The following EVL variants were observed in gnomAD, a reference collection of about 807,000 sequenced individuals.
EVL encodes ena/VASP-like protein.
EVL carries 21 observed loss-of-function variants against 59.6 expected under a neutral mutation model. That is an observed-to-expected ratio of 0.35 (90% confidence interval 0.25 to 0.51). The LOEUF is 0.51. Ranked by LOEUF, EVL falls within the 20% of genes least tolerant of loss-of-function variation. The pLI, the probability that EVL is intolerant of heterozygous loss-of-function variation, is 0.97. For missense variants in EVL, 462 were observed against 546.6 expected (o/e 0.85, Z 1.54); for synonymous variants, 198 against 203.5 (o/e 0.97, Z 0.23).
intron 1 of EVL, among the ~76,000 whole-genome samples, chr14:100,079,347 T>G (rs1205846218): frequency 6.6e-6 from 1 of 152,204 alleles, no homozygotes; most frequent in South Asian, 2.1e-4. Context: ...AAATGCACTG[T>G]TTTTCCCACA....
At chr14:100,095,473 A>G (rs1885743938) in intron 2 of EVL, among the ~76,000 whole-genome samples, 1 of 152,136 alleles carries the variant, frequency 6.6e-6, no homozygotes, top group Non-Finnish European at 1.5e-5. Context: ...GCTGGTTCTT[A>G]TTATTTGGTA....
At chr14:100,113,366 T>G (rs1055666756) in intron 3 of EVL, among the ~76,000 whole-genome samples, 1 of 152,142 alleles carries the variant, frequency 6.6e-6, no homozygotes, top group Non-Finnish European at 1.5e-5. Flanking sequence ...GATTTAACTC[T>G]TAAGTGGCTT....
Position 100,144,127 on chromosome 14 carries a change from C to T in EVL, c.*389C>T, listed in dbSNP as rs548843487. The T allele has an allele frequency of 2.2e-4, 64 of 292,864 alleles. No homozygotes were observed. Among genetic ancestry groups the T allele is most frequent in the Admixed American group, 6.7e-4 (14 of 20,784 alleles). 18.1% of individuals were successfully genotyped at this position (292,864 alleles called of 1,614,324 possible). ...GGCCCAGCGTGGCGCCACCACACAC[C>T]GCAGAGCTGTCCAGGCACAGCTCCG... On this transcript the variant is annotated 3_prime_UTR_variant, in exon 14 of 14. Transcript: ENST00000392920.
intron 1 of EVL, among the ~76,000 whole-genome samples, chr14:99,980,359 G>A (rs1595538824): frequency 6.6e-6 from 1 of 152,276 alleles, no homozygotes; most frequent in East Asian, 1.9e-4. Flanking sequence ...GGGGTGCATG[G>A]TTGTGGCTGG....
chr14:100,128,837 A>G, intron 6 of EVL, 89 bp downstream of exon 6: 1 of 1,174,112 alleles, frequency 8.5e-7, no homozygotes, highest in Non-Finnish European at 1.2e-6. Context: ...CGCATCTGCG[A>G]GACACAGCAA....
intron 1 of EVL, among the ~76,000 whole-genome samples, chr14:99,994,200 T>C (rs1315642269): frequency 6.7e-6 from 1 of 148,948 alleles, no homozygotes; most frequent in East Asian, 2.0e-4. Context: ...AGCATATAGT[T>C]GGATTCTGGT....
intron 2 of EVL, chr14:100,097,179 G>C (rs929911387): frequency 4.7e-5 from 12 of 253,724 alleles, no homozygotes; most frequent in Non-Finnish European, 5.3e-5. Context: ...ACTGCCATGA[G>C]TGGAGTGGCT....
chr14:100,056,835 G>A (rs1284542709), intron 1 of EVL, among the ~76,000 whole-genome samples: 1 of 152,070 alleles, frequency 6.6e-6, no homozygotes, highest in Non-Finnish European at 1.5e-5. Flanking sequence ...GTCCTTTCAG[G>A]CAAAATAGCT....
intron 9 of EVL, chr14:100,137,110 A>G (rs372612169): frequency 5.3e-4 from 91 of 171,416 alleles, no homozygotes; most frequent in African/African-American, 1.9e-3. Flanking sequence ...AGTAGAACAA[A>G]ATATAATCCA....
intron 13 of EVL, 112 bp from the exon 14 acceptor site, chr14:100,143,589 A>C (rs1214887452): frequency 4.5e-6 from 6 of 1,325,968 alleles, no homozygotes; most frequent in Non-Finnish European, 6.3e-6. Context: ...CTCCCAGGAG[A>C]TGGAACAGGG....
intron 2 of EVL, among the ~76,000 whole-genome samples, chr14:100,086,012 C>T (rs1377803513): frequency 2.6e-5 from 4 of 152,194 alleles, no homozygotes; most frequent in South Asian, 4.2e-4. Flanking sequence ...ACCTGTAGTC[C>T]CAGCTACTTG....
At chr14:100,105,858 A>C (rs543583536) in intron 3 of EVL, among the ~76,000 whole-genome samples, 1 of 152,140 alleles carries the variant, frequency 6.6e-6, no homozygotes, top group Non-Finnish European at 1.5e-5. Flanking sequence ...CTGAATAGGG[A>C]ACATGCCTCC....
intron 1 of EVL, among the ~76,000 whole-genome samples, chr14:100,027,402 T>G (rs1377561509): frequency 6.6e-6 from 1 of 152,132 alleles, no homozygotes; most frequent in Non-Finnish European, 1.5e-5. Context: ...TATTACCCTC[T>G]CCCCGTTACC....
intron 1 of EVL, among the ~76,000 whole-genome samples, chr14:100,071,518 T>C (rs2062048399): frequency 6.6e-6 from 1 of 152,256 alleles, no homozygotes; most frequent in South Asian, 2.1e-4. Flanking sequence ...TGCTTGTATA[T>C]TCTTGTGTTT....
At chr14:100,032,211 C>A (rs1032853749) in intron 1 of EVL, among the ~76,000 whole-genome samples, 1 of 152,170 alleles carries the variant, frequency 6.6e-6, no homozygotes, top group African/African-American at 2.4e-5. Context: ...ATCAAATGTA[C>A]CTTGGAGCAC....
At chr14:100,023,302 T>G (rs2061157628) in intron 1 of EVL, among the ~76,000 whole-genome samples, 2 of 151,112 alleles carry the variant, frequency 1.3e-5, no homozygotes, top group Admixed American at 6.6e-5. Context: ...CATCCCAAGT[T>G]CAAGCAATTC....
At chr14:100,011,876 T>G (rs544109935) in intron 1 of EVL, among the ~76,000 whole-genome samples, 4 of 152,362 alleles carry the variant, frequency 2.6e-5, no homozygotes, top group African/African-American at 9.6e-5. Flanking sequence ...ACTGTTGACT[T>G]GTATAGCACT....
intron 1 of EVL, chr14:100,019,831 C>A: frequency 2.5e-6 from 2 of 793,234 alleles, no homozygotes; most frequent in Non-Finnish European, 3.9e-6. Context: ...TTATCCCAGT[C>A]ATGGGGGTGG....
intron 1 of EVL, among the ~76,000 whole-genome samples, chr14:100,007,764 C>CAG (rs1175387644): frequency 6.6e-6 from 1 of 151,742 alleles, no homozygotes; most frequent in East Asian, 1.9e-4. Context: ...TAGATACTTT[C>CAG]AGAGAGAGAG....
Sources: gnomAD v4.1 joint callset for allele counts (sites outside exome capture counted in the v4.1 genomes callset) on GRCh38, gnomAD v4.1.1 for gene constraint, MANE v1.5 for transcripts, NCBI Gene and HGNC (gene_info 2026-07-23, HGNC 2026-07-21) for gene names.